The following TMPRSS4 variants were observed in gnomAD, a reference collection of about 807,000 sequenced individuals.
TMPRSS4 encodes transmembrane protease serine 4.
Under a neutral mutation model 56.4 loss-of-function variants are expected in TMPRSS4, and 45 were observed. The ratio of observed to expected loss-of-function variants is 0.80; its 90% CI spans 0.63 to 1.02. TMPRSS4 has a LOEUF of 1.02. TMPRSS4 is among the 50% of genes least tolerant of loss of function. The pLI is 0.00. For missense variants in TMPRSS4, 546 were observed against 556.7 expected (o/e 0.98, Z 0.19); for synonymous variants, 205 against 211.0 (o/e 0.97, Z 0.25).
chr11:118,078,703 G>A (rs1944886217), intron 1 of TMPRSS4, among the ~76,000 whole-genome samples: 1 of 152,066 alleles, frequency 6.6e-6, no homozygotes, highest in African/African-American at 2.4e-5. Context: ...GTGTCTCTTG[G>A]GGGAGCAACA....
At chr11:118,089,173 C>G (rs960063513) in intron 1 of TMPRSS4, among the ~76,000 whole-genome samples, 4 of 152,176 alleles carry the variant, frequency 2.6e-5, no homozygotes, top group Non-Finnish European at 5.9e-5. Context: ...ACCTCCCTGC[C>G]CATGAGCCCC....
intron 2 of TMPRSS4, among the ~76,000 whole-genome samples, chr11:118,098,695 A>G (rs1279122068): frequency 6.6e-6 from 1 of 152,126 alleles, no homozygotes; most frequent in Non-Finnish European, 1.5e-5. Context: ...AAAACCCAGA[A>G]ATGTCCTAGG....
At position 118,119,419 on chromosome 11, in the gene TMPRSS4, A is replaced by T. The variant is rs1237282092; in HGVS notation, c.*1506A>T. 2 of 929,308 alleles carry T rather than the reference A, an allele frequency of 2.2e-6. No individual in the cohort carries two copies. The highest frequency in any genetic ancestry group is 2.3e-4 in the East Asian group (2 of 8,520). The allele number at this position is 929,308 out of a possible 1,614,324, so 57.6% of individuals were successfully genotyped here. ...GATTCCCAAAGATCCTCCAAATATG[A>T]GCTCACAATCAAAGATCAGAGACGT... is the stretch of plus-strand genomic sequence containing the variant. On this transcript the variant is annotated 3_prime_UTR_variant, in exon 13 of 13. Coordinates refer to ENST00000437212, the MANE Select transcript of TMPRSS4 (RefSeq NM_019894.4).
At chr11:118,123,406 T>C (rs1021875166), downstream of TMPRSS4, among the ~76,000 whole-genome samples, 3 of 152,100 alleles carry the variant, frequency 2.0e-5, no homozygotes, top group Non-Finnish European at 4.4e-5. Flanking sequence ...GAACAAAACA[T>C]AAGAATTAGA....
intron 1 of TMPRSS4, among the ~76,000 whole-genome samples, chr11:118,092,085 C>T (rs950228984): frequency 2.6e-5 from 4 of 151,756 alleles, no homozygotes; most frequent in Non-Finnish European, 5.9e-5. Flanking sequence ...AAAAAGCAAC[C>T]AAAAAGAAAG....
Position 118,107,793 on chromosome 11 carries a change from G to C in TMPRSS4, c.460G>C (p.Val154Leu). ...GYSSKPTFRA[V>L]EIGPDQDLDV... ...GAGCAGCAAACCCACTTTCAGAGCTGTGGAGATTGGCCCAGACCAGGATCT... is the reference window on the plus strand; with the variant it reads ...GAGCAGCAAACCCACTTTCAGAGCTCTGGAGATTGGCCCAGACCAGGATCT... Residue 154 changes from valine to leucine, a missense_variant, in exon 6 of 13, where the codon GTG becomes CTG. Physicochemically the swap from Val to Leu is conservative, Grantham distance 32. Coordinates refer to ENST00000437212, the MANE Select transcript of TMPRSS4 (RefSeq NM_019894.4). 6.2e-7 allele frequency: 1 copy of C among 1,614,168 alleles called. No homozygotes were observed. Among genetic ancestry groups the C allele is most frequent in the South Asian group, 1.1e-5 (1 of 91,062 alleles).
At chr11:118,114,672 C>T (rs187742246) in intron 9 of TMPRSS4, among the ~76,000 whole-genome samples, 157 bp from the exon 10 acceptor site, 154 of 152,264 alleles carry the variant, frequency 1.0e-3, no homozygotes, top group Non-Finnish European at 1.9e-3. Flanking sequence ...CTATTAAAGG[C>T]GTGCCCAAAG....
In TMPRSS4 at chr11:118,113,264, C is replaced by T; in HGVS notation, c.744-5C>T. ...AGGCCTGAACCCAGCTGTCTCTACC[C>T]CCAGGAAACATACCGATGTGTTCAA... On this transcript the variant is annotated splice_region_variant and splice_polypyrimidine_tract_variant and intron_variant, in intron 8 of 12. Coordinates refer to ENST00000437212, the MANE Select transcript of TMPRSS4 (RefSeq NM_019894.4). 1 of 1,613,380 alleles carries T rather than the reference C, an allele frequency of 6.2e-7. No individual in the cohort carries two copies. The highest frequency in any genetic ancestry group is 8.5e-7 in the Non-Finnish European group (1 of 1,179,592).
chr11:118,101,663 A>G (rs899003005), intron 3 of TMPRSS4, among the ~76,000 whole-genome samples: 4 of 152,136 alleles, frequency 2.6e-5, no homozygotes, highest in African/African-American at 9.7e-5. Flanking sequence ...TTTTTCGTAT[A>G]GACGAGGGTC....
chr11:118,077,190 G>A lies in TMPRSS4; in HGVS notation c.-113G>A. On this transcript the variant is annotated 5_prime_UTR_variant, in exon 1 of 13. Coordinates refer to ENST00000437212, the MANE Select transcript of TMPRSS4 (RefSeq NM_019894.4). ...GCCTCCTCCAGCCAGTGCTGACCAG[G>A]GACTTCTGACCTGCTGGCCAGCCAG... 7.1e-7 allele frequency: 1 copy of A among 1,399,912 alleles called. No individual in the cohort carries two copies. Among genetic ancestry groups the A allele is most frequent in the Non-Finnish European group, 9.8e-7 (1 of 1,016,870 alleles). The allele number at this position is 1,399,912 out of a possible 1,614,324, so 86.7% of individuals were successfully genotyped here. A position where few individuals can be genotyped will look rare whatever the true frequency, so the allele number is the denominator to read the frequency against.
rs957458962 is a variant in TMPRSS4 at position 118,078,678 on chromosome 11, C to G, written c.3+1373C>G. Among the ~76,000 whole-genome samples the G allele has an allele frequency of 3.9e-5, 6 of 152,200 alleles. No homozygotes were observed. The East Asian group carries it at 9.7e-4, about 25-fold the overall frequency. Reference sequence around the variant, plus strand: ...GTGAGCTGCTTCTGGGTGGCAGGCACTGAGGAGACCTGGGGTGTCTCTTGG... The same window carrying G: ...GTGAGCTGCTTCTGGGTGGCAGGCAGTGAGGAGACCTGGGGTGTCTCTTGG... On this transcript the variant is annotated intron_variant, in intron 1 of 12. Transcript: ENST00000437212.
intron 1 of TMPRSS4, among the ~76,000 whole-genome samples, chr11:118,088,634 C>T (rs984090343): frequency 7.2e-5 from 11 of 152,294 alleles, no homozygotes; most frequent in African/African-American, 2.2e-4. Context: ...CAGGGCTCTG[C>T]GGCAGACTGA....
At chr11:118,123,469 C>T (rs1246685963), downstream of TMPRSS4, among the ~76,000 whole-genome samples, 1 of 152,134 alleles carries the variant, frequency 6.6e-6, no homozygotes, top group East Asian at 1.9e-4. Context: ...TGGGACATTC[C>T]ACCACAGGAC....
intron 7 of TMPRSS4, among the ~76,000 whole-genome samples, chr11:118,111,396 C>T (rs539348275): frequency 6.6e-5 from 10 of 152,274 alleles, no homozygotes; most frequent in African/African-American, 1.9e-4. Flanking sequence ...GCTGGGGACA[C>T]GCCACCTGGG....
Position 118,114,942 on chromosome 11 carries a change from C to G in TMPRSS4, c.1009+15C>G. The G allele has an allele frequency of 6.3e-6, 10 of 1,586,876 alleles. No individual in the cohort carries two copies. The highest frequency in any genetic ancestry group is 8.6e-6 in the Non-Finnish European group (10 of 1,165,262). On this transcript the variant is annotated intron_variant, in intron 10 of 12. Coordinates refer to ENST00000437212, the MANE Select transcript of TMPRSS4 (RefSeq NM_019894.4). The stretch of plus-strand genomic sequence containing the variant: ...GCAGAATGGAGGTAAGTCCTGGGTG[C>G]AGGACCACAGGGCAGGAGATGCCCT...
intron 1 of TMPRSS4, among the ~76,000 whole-genome samples, chr11:118,088,954 C>T (rs1408129210): frequency 1.3e-5 from 2 of 152,062 alleles, no homozygotes; most frequent in Non-Finnish European, 2.9e-5. Context: ...TGGCGGGGAC[C>T]CACCATGGTG....
At chr11:118,112,709 T>G (rs1468962252) in intron 8 of TMPRSS4, among the ~76,000 whole-genome samples, 2 of 152,036 alleles carry the variant, frequency 1.3e-5, no homozygotes, top group Non-Finnish European at 2.9e-5. Context: ...TATTCATTCA[T>G]TCAATATCTA....
At chr11:118,108,937 G>A (rs1265194255) in intron 7 of TMPRSS4, 41 bp downstream of exon 7, 1 of 1,605,062 alleles carries the variant, frequency 6.2e-7, no homozygotes, top group African/African-American at 1.3e-5. Context: ...GCCTGGGCCA[G>A]CAATGAGCAG....
At position 118,120,388 on chromosome 11, in the gene TMPRSS4, T is replaced by TA. The variant is rs1947754408; in HGVS notation, c.*2476dup. ...TATTTTGAATTTTTTGAGGAACTGA[T>TA]ATATTGCTTTCCATAGAGACTGCAC... On this transcript the variant is annotated 3_prime_UTR_variant, in exon 13 of 13. Coordinates refer to ENST00000437212, the MANE Select transcript of TMPRSS4 (RefSeq NM_019894.4). 6.6e-6 allele frequency: 1 copy of TA among 152,160 alleles called. No individual in the cohort carries two copies. The highest frequency in any genetic ancestry group is 1.5e-5 in the Non-Finnish European group (1 of 68,034). 9.4% of individuals were successfully genotyped at this position (152,160 alleles called of 1,614,324 possible). A position where few individuals can be genotyped will look rare whatever the true frequency, so the allele number is the denominator to read the frequency against.
Sources: allele counts gnomAD v4.1 joint callset (sites outside exome capture counted in the v4.1 genomes callset), GRCh38; gene constraint gnomAD v4.1.1; transcripts MANE v1.5; gene names NCBI Gene and HGNC (gene_info 2026-07-23, HGNC 2026-07-21).